Variants in TENM3 observed in about 807,000 individuals in gnomAD.
TENM3 encodes the protein teneurin-3.
Under a neutral mutation model 255.1 loss-of-function variants are expected in TENM3, and 63 were observed. That is an observed-to-expected ratio of 0.25 (90% CI 0.20 to 0.30). TENM3 has a LOEUF of 0.30. Ranked by LOEUF, TENM3 falls within the 10% of genes least tolerant of loss-of-function variation. The pLI, the probability that TENM3 is intolerant of heterozygous loss-of-function variation, is 1.00. For missense variants in TENM3, 2,929 were observed against 3,461.1 expected, an observed-to-expected ratio of 0.85 and a Z score of 3.86; for synonymous variants, 1,306 against 1,322.3, an observed-to-expected ratio of 0.99 and a Z score of 0.27.
At chr4:182,243,740 G>T (rs950427704) in intron 1 of TENM3, among the ~76,000 whole-genome samples, 1 of 152,104 alleles carries the variant, frequency 6.6e-6, no homozygotes, top group African/African-American at 2.4e-5. Flanking sequence ...TATTCAGCAC[G>T]TCCTTGTTTT....
At chr4:182,053,192 C>G in the TENM3 span, among the ~76,000 whole-genome samples, 2 of 152,034 alleles carry the variant, frequency 1.3e-5, no homozygotes, top group Non-Finnish European at 1.5e-5. Flanking sequence ...GTAGGCTCCT[C>G]TACAAACCAA....
chr4:182,785,420 C>T (rs1490181616), intron 24 of TENM3, among the ~76,000 whole-genome samples: 1 of 151,702 alleles, frequency 6.6e-6, no homozygotes, highest in Non-Finnish European at 1.5e-5. Flanking sequence ...TAAAAGGCTA[C>T]CAGAAGACCA....
the TENM3 span, among the ~76,000 whole-genome samples, chr4:181,589,086 G>C: frequency 2.6e-5 from 4 of 152,236 alleles, 1 homozygote; most frequent in South Asian, 8.3e-4. Context: ...TACCAAAGGA[G>C]CTTGTGAAAT....
the TENM3 span, among the ~76,000 whole-genome samples, chr4:181,973,703 C>G: frequency 6.6e-6 from 1 of 152,140 alleles, no homozygotes. Flanking sequence ...GAAAGCTGAA[C>G]TGAGCCATGA....
intron 3 of TENM3, among the ~76,000 whole-genome samples, chr4:182,585,063 G>A (rs575315067): frequency 6.6e-6 from 1 of 151,968 alleles, no homozygotes; most frequent in Non-Finnish European, 1.5e-5. Flanking sequence ...AAAGAAATAC[G>A]GCAAAAACAT....
rs545529642 is a variant in TENM3, at chr4:182,332,939, G to T, written c.232+8687G>T. 1.6e-4 allele frequency among the ~76,000 whole-genome samples: 24 copies of T among 152,184 alleles called. 1 individual carries two copies. In the East Asian group the frequency reaches 4.4e-3, roughly 28 times the overall value. On this transcript the variant is annotated intron_variant, in intron 2 of 27. Coordinates refer to ENST00000511685, the MANE Select transcript of TENM3 (RefSeq NM_001080477.4). ...CAACTAAGAGGTGCTATTATTCCAA[G>T]CAATAAATTTGAAAAATCTAGAGGA...
chr4:182,111,215 A>G, the TENM3 span, among the ~76,000 whole-genome samples: 1 of 55,116 alleles, frequency 1.8e-5, no homozygotes, highest in Non-Finnish European at 3.6e-5. Context: ...TTTTTTTTTA[A>G]TTAGCCTTCT....
At chr4:181,957,274 T>C in the TENM3 span, among the ~76,000 whole-genome samples, 1 of 152,180 alleles carries the variant, frequency 6.6e-6, no homozygotes, top group South Asian at 2.1e-4. Context: ...TTGAATTCCA[T>C]GCTCATGGAC....
the TENM3 span, among the ~76,000 whole-genome samples, chr4:181,456,127 A>G: frequency 0.068 from 9,674 of 141,672 alleles, 870 homozygotes; most frequent in African/African-American, 0.21. Context: ...ATATATATAT[A>G]TGTGTGTGTG....
At chr4:182,390,406 G>T (rs1203864228) in intron 3 of TENM3, among the ~76,000 whole-genome samples, 1 of 152,128 alleles carries the variant, frequency 6.6e-6, no homozygotes, top group Non-Finnish European at 1.5e-5. Context: ...CCTTTTTGTT[G>T]TGGTGGTTGT....
intron 3 of TENM3, among the ~76,000 whole-genome samples, chr4:182,406,754 A>G (rs6830860): frequency 0.5 from 76,226 of 152,056 alleles, 19,475 homozygotes; most frequent in South Asian, 0.59. Flanking sequence ...TATAAAGTTT[A>G]TAATCAGCTA....
At chr4:182,626,557 C>T (rs2152465348) in intron 4 of TENM3, among the ~76,000 whole-genome samples, 1 of 152,248 alleles carries the variant, frequency 6.6e-6, no homozygotes, top group African/African-American at 2.4e-5. Flanking sequence ...AGACACAAAA[C>T]TTGAGTAACT....
intron 1 of TENM3, among the ~76,000 whole-genome samples, chr4:182,284,285 A>C (rs1309606643): frequency 1.3e-5 from 2 of 152,160 alleles, no homozygotes; most frequent in African/African-American, 4.8e-5. Flanking sequence ...TATATGTTGC[A>C]TGACTCTACG....
intron 1 of TENM3, among the ~76,000 whole-genome samples, chr4:182,245,704 G>T (rs1757592732): frequency 6.6e-6 from 1 of 152,170 alleles, no homozygotes; most frequent in South Asian, 2.1e-4. Context: ...CCATAGGACT[G>T]AAAACTTCCT....
the TENM3 span, among the ~76,000 whole-genome samples, chr4:181,449,157 C>G: frequency 6.6e-6 from 1 of 152,168 alleles, no homozygotes; most frequent in African/African-American, 2.4e-5. Flanking sequence ...ACTTTGTCAC[C>G]TATCACCTTT....
At chr4:182,545,121 G>C (rs1387711982) in intron 3 of TENM3, among the ~76,000 whole-genome samples, 1 of 152,110 alleles carries the variant, frequency 6.6e-6, no homozygotes, top group Non-Finnish European at 1.5e-5. Context: ...TTTTAGTCAA[G>C]GTGATTTCTA....
intron 3 of TENM3, among the ~76,000 whole-genome samples, chr4:182,509,958 A>T (rs888428851): frequency 1.5e-4 from 23 of 149,910 alleles, no homozygotes; most frequent in Admixed American, 3.3e-4. Flanking sequence ...AAAAAAAAAA[A>T]TGTAGGGAGA....
intron 3 of TENM3, among the ~76,000 whole-genome samples, chr4:182,477,872 T>A (rs2151492566): frequency 6.6e-6 from 1 of 152,216 alleles, no homozygotes; most frequent in Middle Eastern, 3.4e-3. Flanking sequence ...AAAAACAAAG[T>A]AAAAAATAAT....
chr4:182,135,443 A>C, the TENM3 span, among the ~76,000 whole-genome samples: 1 of 152,198 alleles, frequency 6.6e-6, no homozygotes, highest in Admixed American at 6.5e-5. Context: ...CTGTGGCCTA[A>C]TGTACTTCTG....
Sources: gnomAD v4.1 joint callset for allele counts (sites outside exome capture counted in the v4.1 genomes callset) on GRCh38, gnomAD v4.1.1 for gene constraint, MANE v1.5 for transcripts, NCBI Gene and HGNC (gene_info 2026-07-23, HGNC 2026-07-21) for gene names.